The following CENPP variants were observed in gnomAD, a reference collection of about 807,000 sequenced individuals.
The protein encoded by CENPP is centromere protein P.
In CENPP, 24 loss-of-function variants were observed where a neutral mutation model predicts 35.6. The observed-to-expected ratio is 0.67, with a 90% CI of 0.49 to 0.95. The LOEUF is 0.95. CENPP is among the 40% of genes least tolerant of loss of function. CENPP has a pLI of 0.00. For synonymous variants in CENPP, 120 were observed against 125.5 expected (o/e 0.96, Z 0.29); for missense variants, 332 against 345.3 (o/e 0.96, Z 0.31).
At chr9:92,580,599 T>C (rs1476565729) in intron 5 of CENPP, among the ~76,000 whole-genome samples, 1 of 152,258 alleles carries the variant, frequency 6.6e-6, no homozygotes, top group African/African-American at 2.4e-5. Flanking sequence ...TAGAGGTGTT[T>C]GCAGTATTCT....
At chr9:92,582,954 A>G (rs969382931) in intron 5 of CENPP, among the ~76,000 whole-genome samples, 1 of 152,020 alleles carries the variant, frequency 6.6e-6, no homozygotes, top group Non-Finnish European at 1.5e-5. Flanking sequence ...CACTTTCTGT[A>G]AGTCTACTTT....
At chr9:92,462,399 C>A (rs1412359078) in intron 5 of CENPP, among the ~76,000 whole-genome samples, 1 of 152,198 alleles carries the variant, frequency 6.6e-6, no homozygotes, top group African/African-American at 2.4e-5. Flanking sequence ...TCCTGACCCC[C>A]ACTCTCCCCA....
At chr9:92,564,719 A>G (rs1300084698) in intron 5 of CENPP, among the ~76,000 whole-genome samples, 1 of 152,228 alleles carries the variant, frequency 6.6e-6, no homozygotes, top group Non-Finnish European at 1.5e-5. Context: ...ACAAAACTGA[A>G]TGAGATCATA....
At chr9:92,610,492 G>GA (rs1397535034) in intron 5 of CENPP, 1 of 152,262 alleles carries the variant, frequency 6.6e-6, no homozygotes, top group African/African-American at 2.4e-5. Context: ...TCGGTTCTGG[G>GA]ATAGCTAGAG....
chr9:92,534,360 C>G (rs902084990), intron 5 of CENPP, among the ~76,000 whole-genome samples: 1 of 152,196 alleles, frequency 6.6e-6, no homozygotes, highest in East Asian at 1.9e-4. Flanking sequence ...GAATCATCTT[C>G]CTCTAGTCAG....
intron 5 of CENPP, among the ~76,000 whole-genome samples, chr9:92,395,803 T>C (rs1842869130): frequency 6.6e-6 from 1 of 152,154 alleles, no homozygotes; most frequent in Admixed American, 6.5e-5. Flanking sequence ...TTGGCATCCA[T>C]ATATTTGATG....
intron 5 of CENPP, chr9:92,385,364 A>G: frequency 3.1e-6 from 1 of 325,306 alleles, no homozygotes; most frequent in Non-Finnish European, 5.6e-6. Context: ...ATGATTTTTA[A>G]ATGGTAGTCT....
intron 5 of CENPP, chr9:92,417,222 T>G (rs1490306846): frequency 1.2e-6 from 2 of 1,614,042 alleles, no homozygotes; most frequent in Middle Eastern, 1.7e-4. Context: ...TGAGTTGCAT[T>G]GATGAATGAA....
chr9:92,579,342 T>G (rs1400380066), intron 5 of CENPP, among the ~76,000 whole-genome samples: 50 of 148,314 alleles, frequency 3.4e-4, no homozygotes, highest in African/African-American at 1.1e-3. Context: ...GTGAAGAAAG[T>G]CATTGGTAGC....
At chr9:92,461,072 A>C (rs1035162750) in intron 5 of CENPP, among the ~76,000 whole-genome samples, 1 of 152,082 alleles carries the variant, frequency 6.6e-6, no homozygotes, top group Non-Finnish European at 1.5e-5. Context: ...CTCAGCTTCA[A>C]CAGTTATCTC....
intron 5 of CENPP, chr9:92,494,099 G>A (rs1444051473): frequency 1.3e-6 from 2 of 1,597,684 alleles, no homozygotes; most frequent in African/African-American, 1.3e-5. Flanking sequence ...GAGAGGAAAG[G>A]CCACATCTGA....
At chr9:92,351,614 A>G (rs1280470335) in intron 4 of CENPP, among the ~76,000 whole-genome samples, 2 of 152,098 alleles carry the variant, frequency 1.3e-5, no homozygotes, top group Non-Finnish European at 2.9e-5. Context: ...AGTACCTCAT[A>G]TAAGTAGAAT....
intron 5 of CENPP, among the ~76,000 whole-genome samples, chr9:92,559,719 T>G (rs1256987674): frequency 1.3e-5 from 2 of 152,152 alleles, no homozygotes; most frequent in Non-Finnish European, 2.9e-5. Flanking sequence ...AGGGCTGGTC[T>G]CGAACTCCTG....
chr9:92,415,530 A>G lies in CENPP; in HGVS notation c.564+35671A>G. On this transcript the variant is annotated intron_variant, in intron 5 of 7. Transcript: ENST00000375587. ...TTGTATTATAGTATAATCCATAGTT[A>G]TAGCCATAATTCTATGTTAGATTTT... is the stretch of plus-strand genomic sequence containing the variant. 2 of 991,740 alleles carry G rather than the reference A, an allele frequency of 2.0e-6. 1 individual carries two copies. Among genetic ancestry groups the G allele is most frequent in the Admixed American group, 6.4e-5 (2 of 31,432 alleles). 61.4% of individuals were successfully genotyped at this position (991,740 alleles called of 1,614,324 possible). A position where few individuals can be genotyped will look rare whatever the true frequency, so the allele number is the denominator to read the frequency against.
chr9:92,533,344 T>A (rs1449435490), intron 5 of CENPP, among the ~76,000 whole-genome samples: 36 of 123,350 alleles, frequency 2.9e-4, no homozygotes, highest in Non-Finnish European at 5.0e-4. Context: ...TATATATATA[T>A]ATATATATAT....
intron 5 of CENPP, among the ~76,000 whole-genome samples, chr9:92,421,339 C>A (rs2130969495): frequency 6.6e-6 from 1 of 152,300 alleles, no homozygotes; most frequent in Admixed American, 6.5e-5. Context: ...CACCCCCGGC[C>A]TTGGAGGGCC....
At chr9:92,469,355 G>T (rs1845426525) in intron 5 of CENPP, among the ~76,000 whole-genome samples, 1 of 152,168 alleles carries the variant, frequency 6.6e-6, no homozygotes, top group African/African-American at 2.4e-5. Flanking sequence ...GCTGGATTTT[G>T]TAGGGAGGCT....
In CENPP at chr9:92,616,168, T is replaced by C. The variant is rs1438040592; in HGVS notation, c.*3019T>C. On this transcript the variant is annotated 3_prime_UTR_variant, in exon 8 of 8. Coordinates refer to ENST00000375587, the MANE Select transcript of CENPP (RefSeq NM_001012267.3). ...CTAGTATGTTTTTATGTTTTTTCTTTGACTTCTGCAAAGTTAGATAAATCA... is the reference window on the plus strand; with the variant it reads ...CTAGTATGTTTTTATGTTTTTTCTTCGACTTCTGCAAAGTTAGATAAATCA... The C allele has an allele frequency of 2.4e-5, 18 of 737,244 alleles. No individual in the cohort carries two copies. In the Admixed American group the frequency reaches 5.1e-4, roughly 21 times the overall value. The allele number at this position is 737,244 out of a possible 1,614,324, so 45.7% of individuals were successfully genotyped here.
chr9:92,598,744 G>GT (rs199711969), intron 5 of CENPP, among the ~76,000 whole-genome samples: 66 of 135,732 alleles, frequency 4.9e-4, no homozygotes, highest in African/African-American at 1.1e-3. Context: ...TAACTGAAGG[G>GT]GTTTTTTTTT....
Sources: allele counts gnomAD v4.1 joint callset (sites outside exome capture counted in the v4.1 genomes callset), GRCh38; gene constraint gnomAD v4.1.1; transcripts MANE v1.5; gene names NCBI Gene and HGNC (gene_info 2026-07-23, HGNC 2026-07-21).